The following SYNE1 variants were observed in gnomAD, a reference collection of about 807,000 sequenced individuals.
SYNE1 encodes spectrin repeat containing nuclear envelope protein 1, also known as nesprin-1.
A neutral mutation model predicts 1,111.0 loss-of-function variants in SYNE1; 616 were observed. The ratio of observed to expected loss-of-function variants is 0.55; its 90% CI spans 0.52 to 0.59. SYNE1 has a LOEUF of 0.59. Among genes scored for constraint, SYNE1 ranks in the 20% least tolerant of loss-of-function variants. The probability of loss-of-function intolerance (pLI) is 0.00; values close to 1 mark genes in which losing one functional copy is unlikely to be tolerated. For synonymous variants in SYNE1, 3,855 were observed against 3,825.8 expected, an observed-to-expected ratio of 1.01 and a Z score of -0.28; for missense variants, 10,006 against 10,417.0, an observed-to-expected ratio of 0.96 and a Z score of 1.72.
At chr6:152,455,817 G>A in intron 23 of SYNE1, 69 bp downstream of exon 23, 1 of 1,607,578 alleles carries the variant, frequency 6.2e-7, no homozygotes, top group Non-Finnish European at 8.5e-7. Context: ...AAAAGCACGA[G>A]TGATGGTTTC....
Position 152,373,239 on chromosome 6 carries a change from A to T in SYNE1, c.9325-20T>A, listed in dbSNP as rs762985969. 2 of 1,592,694 alleles carry T rather than the reference A, an allele frequency of 1.3e-6. No individual in the cohort carries two copies. Among genetic ancestry groups the T allele is most frequent in the Non-Finnish European group, 1.7e-6 (2 of 1,170,944 alleles). ...AAACTCCTATAAAAGAAAATATAGA[A>T]TTAGCCATAATGAAAATATTGTGTG... is the stretch of plus-strand genomic sequence containing the variant. On this transcript the variant is annotated intron_variant, in intron 58 of 145. Coordinates refer to ENST00000367255, the MANE Select transcript of SYNE1 (RefSeq NM_182961.4).
intron 112 of SYNE1, among the ~76,000 whole-genome samples, chr6:152,232,502 TTAAC>T (rs2083004321): frequency 1.3e-5 from 2 of 152,222 alleles, no homozygotes; most frequent in Non-Finnish European, 2.9e-5. Flanking sequence ...TGTATAAACA[TTAAC>T]TAATTAATCA....
At chr6:152,581,370 G>A (rs566799798) in intron 3 of SYNE1, among the ~76,000 whole-genome samples, 1 of 152,276 alleles carries the variant, frequency 6.6e-6, no homozygotes, top group South Asian at 2.1e-4. Flanking sequence ...GAGACCAGAA[G>A]TCTCACCAGT....
intron 41 of SYNE1, among the ~76,000 whole-genome samples, chr6:152,414,794 C>A (rs1162748852): frequency 1.3e-5 from 2 of 151,824 alleles, no homozygotes; most frequent in African/African-American, 4.8e-5. Context: ...TGACACCCTG[C>A]AGCACCAATG....
At position 152,623,745 on chromosome 6, in the gene SYNE1, C is replaced by T. The variant is rs561984903; in HGVS notation, c.67+4520G>A. Among the ~76,000 whole-genome samples the T allele has an allele frequency of 1.3e-4, 20 of 152,122 alleles. No homozygotes were observed. In the South Asian group the frequency reaches 2.7e-3, roughly 20 times the overall value. ...TTTGCAAAAGAAGAAGATATACATG[C>T]GGCCAACAATAATTAGTATAAAAAT... On this transcript the variant is annotated intron_variant, in intron 3 of 145. Coordinates refer to ENST00000367255, the MANE Select transcript of SYNE1 (RefSeq NM_182961.4).
At chr6:152,434,012 T>G in intron 33 of SYNE1, 67 bp from the exon 34 acceptor site, 1 of 1,385,304 alleles carries the variant, frequency 7.2e-7, no homozygotes, top group South Asian at 1.2e-5. Flanking sequence ...ACATTTTCCT[T>G]GAAATCACCA....
Position 152,122,101 on chromosome 6 carries a change from A to AT in SYNE1, c.*334_*335insA, listed in dbSNP as rs2051521034. The AT allele has an allele frequency of 2.6e-6, 1 of 380,058 alleles. No individual in the cohort carries two copies. Among genetic ancestry groups the AT allele is most frequent in the Non-Finnish European group, 5.0e-6 (1 of 198,554 alleles). The allele number at this position is 380,058 out of a possible 1,614,324, so 23.5% of individuals were successfully genotyped here. ...CATGGGAAAGCTGCCCAGATGGTCTACTGAAGTCCTTGGCTGTGCACAGAA... is the reference window on the plus strand; with the variant it reads ...CATGGGAAAGCTGCCCAGATGGTCTATCTGAAGTCCTTGGCTGTGCACAGAA... On this transcript the variant is annotated 3_prime_UTR_variant, in exon 146 of 146. Coordinates refer to ENST00000367255, the MANE Select transcript of SYNE1 (RefSeq NM_182961.4).
At chr6:152,348,344 G>A (rs1244269219) in intron 72 of SYNE1, among the ~76,000 whole-genome samples, 1 of 152,180 alleles carries the variant, frequency 6.6e-6, no homozygotes, top group Non-Finnish European at 1.5e-5. Context: ...GCATTCTTTA[G>A]TGAGCATTCT....
chr6:152,433,978 A>T, intron 33 of SYNE1, 33 bp from the exon 34 acceptor site: 2 of 1,559,928 alleles, frequency 1.3e-6, no homozygotes, highest in Admixed American at 3.5e-5. Flanking sequence ...AATAAAACTC[A>T]GTATTTTAAT....
intron 130 of SYNE1, chr6:152,167,998 T>C (rs745832352): frequency 1.3e-6 from 1 of 778,916 alleles, no homozygotes; most frequent in Non-Finnish European, 2.4e-6. Context: ...ACACCAATCC[T>C]CTTCATGTAA....
At chr6:152,156,237 C>T (rs2061351682) in intron 131 of SYNE1, 140 bp from the exon 132 acceptor site, 3 of 989,194 alleles carry the variant, frequency 3.0e-6, no homozygotes, top group South Asian at 3.0e-5. Context: ...TTTATTGAGC[C>T]TCATTTATGA....
chr6:152,365,057 T>G (rs1424859321), intron 62 of SYNE1, 38 bp from the exon 63 acceptor site: 2 of 1,610,528 alleles, frequency 1.2e-6, no homozygotes, highest in East Asian at 2.2e-5. Context: ...GTCATTTGTA[T>G]GTTTAACATT....
intron 9 of SYNE1, 71 bp from the exon 10 acceptor site, chr6:152,502,813 AT>A: frequency 4.3e-6 from 5 of 1,159,648 alleles, no homozygotes; most frequent in Middle Eastern, 1.9e-4. Context: ...CAAGTTTGGT[AT>A]CTAGCTATCA....
intron 18 of SYNE1, 104 bp from the exon 19 acceptor site, chr6:152,463,621 G>A (rs971286729): frequency 6.9e-6 from 7 of 1,009,254 alleles, no homozygotes; most frequent in East Asian, 2.6e-5. Context: ...TAACATTCAT[G>A]TGAATTTTAA....
chr6:152,400,697 T>C (rs187950337), intron 47 of SYNE1, among the ~76,000 whole-genome samples: 14 of 152,078 alleles, frequency 9.2e-5, no homozygotes, highest in Admixed American at 8.5e-4. Flanking sequence ...AACATGGAAA[T>C]AGAATGTTTT....
chr6:152,355,481 G>A (rs937651827), intron 66 of SYNE1, among the ~76,000 whole-genome samples: 1 of 152,134 alleles, frequency 6.6e-6, no homozygotes, highest in Non-Finnish European at 1.5e-5. Context: ...TGAAACTGGA[G>A]AGTGCAGGGC....
At chr6:152,266,004 T>C (rs966329675) in intron 100 of SYNE1, among the ~76,000 whole-genome samples, 5 of 152,098 alleles carry the variant, frequency 3.3e-5, no homozygotes, top group Admixed American at 1.3e-4. Flanking sequence ...ATATCATTAA[T>C]TCATGGTTAA....
intron 11 of SYNE1, among the ~76,000 whole-genome samples, chr6:152,489,254 C>T (rs2098957229): frequency 6.6e-6 from 1 of 152,140 alleles, no homozygotes; most frequent in African/African-American, 2.4e-5. Flanking sequence ...TATTCATAAT[C>T]ATACCGTACA....
chr6:152,383,405 T>C (rs1397229026), intron 55 of SYNE1, among the ~76,000 whole-genome samples: 2 of 152,222 alleles, frequency 1.3e-5, no homozygotes, highest in African/African-American at 4.8e-5. Context: ...TTTCTCACCT[T>C]CCCTTGCTGT....
Sources: gnomAD v4.1 joint callset for allele counts (sites outside exome capture counted in the v4.1 genomes callset) on GRCh38, gnomAD v4.1.1 for gene constraint, MANE v1.5 for transcripts, NCBI Gene and HGNC (gene_info 2026-07-23, HGNC 2026-07-21) for gene names.